Variants in SLC24A2 observed in about 807,000 individuals in gnomAD.
SLC24A2 encodes solute carrier family 24 member 2.
In SLC24A2, 36 loss-of-function variants were observed where a neutral mutation model predicts 62.0. The observed-to-expected ratio is 0.58, with a 90% confidence interval of 0.44 to 0.77. The LOEUF (loss-of-function observed/expected upper bound fraction) is 0.77. Among genes scored for constraint, SLC24A2 ranks in the 30% least tolerant of loss-of-function variants. SLC24A2 has a pLI of 0.00. For synonymous variants in SLC24A2, 358 were observed against 294.0 expected (o/e 1.22, Z -2.23); for missense variants, 846 against 817.9 (o/e 1.03, Z -0.42).
At chr9:20,212,946 T>A in the SLC24A2 span, among the ~76,000 whole-genome samples, 3 of 151,810 alleles carry the variant, frequency 2.0e-5, 1 homozygote, top group African/African-American at 4.9e-5. Flanking sequence ...CAACATGTTC[T>A]CACTTATAAG....
the SLC24A2 span, among the ~76,000 whole-genome samples, chr9:20,201,470 G>C: frequency 6.6e-6 from 1 of 152,186 alleles, no homozygotes; most frequent in East Asian, 1.9e-4. Flanking sequence ...GGATAGAAGA[G>C]ACAGTAACAG....
chr9:19,586,397 A>G (rs1040280331), intron 5 of SLC24A2, among the ~76,000 whole-genome samples: 1 of 152,170 alleles, frequency 6.6e-6, no homozygotes. Flanking sequence ...TGGGTGTGAG[A>G]AAGTGCTCAG....
chr9:19,961,416 G>C, the SLC24A2 span, among the ~76,000 whole-genome samples: 1 of 152,058 alleles, frequency 6.6e-6, no homozygotes, highest in Non-Finnish European at 1.5e-5. Flanking sequence ...GGGGTTAAAA[G>C]CCTTTTTTTT....
chr9:19,925,929 C>T, the SLC24A2 span, among the ~76,000 whole-genome samples: 1 of 152,166 alleles, frequency 6.6e-6, no homozygotes, highest in Non-Finnish European at 1.5e-5. Context: ...CCAAGCCAAC[C>T]TCCATTAACC....
intron 2 of SLC24A2, among the ~76,000 whole-genome samples, chr9:19,687,567 T>C (rs1386175409): frequency 1.3e-5 from 2 of 152,088 alleles, no homozygotes; most frequent in Non-Finnish European, 2.9e-5. Flanking sequence ...TCTGAAACAT[T>C]GTACCAATGT....
At chr9:19,548,333 G>A (rs1223971857) in intron 8 of SLC24A2, among the ~76,000 whole-genome samples, 1 of 152,114 alleles carries the variant, frequency 6.6e-6, no homozygotes, top group East Asian at 1.9e-4. Context: ...AAGCCATGTG[G>A]TCACATAGAC....
chr9:19,545,273 C>G (rs552980627), intron 8 of SLC24A2, among the ~76,000 whole-genome samples: 2 of 151,978 alleles, frequency 1.3e-5, no homozygotes, highest in East Asian at 1.9e-4. Flanking sequence ...TTTTTCAGCT[C>G]CATCAGGTCA....
rs140812370 is a variant in SLC24A2 at position 19,666,345 on chromosome 9, G to A, written c.931-44046C>T. 8.5e-3 allele frequency among the ~76,000 whole-genome samples: 1,298 copies of A among 152,284 alleles called. 12 individuals are homozygous for A. The highest frequency in any genetic ancestry group is 0.02 in the African/African-American group (833 of 41,568). Reference sequence around the variant, plus strand: ...CACCTGAGCCTGGGAGGTTGAGGCTGCAGTGAGTTGTGATTGCACCACTGC... The same window carrying A: ...CACCTGAGCCTGGGAGGTTGAGGCTACAGTGAGTTGTGATTGCACCACTGC... On this transcript the variant is annotated intron_variant, in intron 2 of 10. Transcript: ENST00000341998.
chr9:19,557,611 G>C lies in SLC24A2; in HGVS notation c.1348-7343C>G, dbSNP rs539074062. 3.3e-5 allele frequency among the ~76,000 whole-genome samples: 5 copies of C among 152,282 alleles called. No individual in the cohort carries two copies. The South Asian group carries it at 1.0e-3, about 32-fold the overall frequency. ...ATGCTGGCAGGGCCAGCTAGTCAAG[G>C]CATGCAGCTGCCACAGCTCTGAGTG... is the stretch of plus-strand genomic sequence containing the variant. On this transcript the variant is annotated intron_variant, in intron 7 of 10. Transcript: ENST00000341998.
At chr9:20,118,567 C>T in the SLC24A2 span, among the ~76,000 whole-genome samples, 1 of 151,572 alleles carries the variant, frequency 6.6e-6, no homozygotes, top group African/African-American at 2.4e-5. Flanking sequence ...TATTTTACAG[C>T]CTATGTTTTA....
the SLC24A2 span, among the ~76,000 whole-genome samples, chr9:19,830,685 A>AC: frequency 6.6e-6 from 1 of 152,030 alleles, no homozygotes; most frequent in Non-Finnish European, 1.5e-5. Flanking sequence ...GATCATCTAG[A>AC]CCCGGCAGAC....
chr9:20,164,685 C>G, the SLC24A2 span, among the ~76,000 whole-genome samples: 1,651 of 151,458 alleles, frequency 0.011, 37 homozygotes, highest in African/African-American at 0.038. Flanking sequence ...ACATGCACAC[C>G]TATGTTTATT....
the SLC24A2 span, among the ~76,000 whole-genome samples, chr9:20,129,157 A>G: frequency 6.6e-6 from 1 of 152,140 alleles, no homozygotes; most frequent in Non-Finnish European, 1.5e-5. Context: ...TCTGAGAGAA[A>G]TGGCCATACA....
At chr9:19,752,761 A>C (rs926555418) in intron 2 of SLC24A2, among the ~76,000 whole-genome samples, 1 of 152,156 alleles carries the variant, frequency 6.6e-6, no homozygotes, top group Admixed American at 6.5e-5. Context: ...TCCTCACAAC[A>C]ATCTTAGACA....
At chr9:19,638,602 G>A (rs1025658905) in intron 2 of SLC24A2, among the ~76,000 whole-genome samples, 5 of 151,992 alleles carry the variant, frequency 3.3e-5, no homozygotes, top group Non-Finnish European at 1.5e-5. Context: ...AATTCAAAAG[G>A]GTAAAGCTAT....
At chr9:20,036,380 C>T in the SLC24A2 span, among the ~76,000 whole-genome samples, 1 of 151,890 alleles carries the variant, frequency 6.6e-6, no homozygotes, top group Non-Finnish European at 1.5e-5. Flanking sequence ...GTACAGTACT[C>T]AATTATTAGC....
chr9:19,576,721 A>G (rs1357631913), intron 6 of SLC24A2, among the ~76,000 whole-genome samples: 1 of 152,188 alleles, frequency 6.6e-6, no homozygotes, highest in Non-Finnish European at 1.5e-5. Flanking sequence ...TTGGACTTCT[A>G]GAGTTACTGG....
the SLC24A2 span, among the ~76,000 whole-genome samples, chr9:19,907,530 T>G: frequency 1.3e-5 from 2 of 152,168 alleles, no homozygotes; most frequent in Non-Finnish European, 2.9e-5. Context: ...AAAGAGGAAG[T>G]CAAATTGTCC....
At chr9:19,938,835 G>T in the SLC24A2 span, among the ~76,000 whole-genome samples, 6 of 152,050 alleles carry the variant, frequency 3.9e-5, no homozygotes, top group Admixed American at 1.3e-4. Context: ...ATTTTGCTCC[G>T]CACATTTTAC....
Sources: gnomAD v4.1 joint callset for allele counts (sites outside exome capture counted in the v4.1 genomes callset) on GRCh38, gnomAD v4.1.1 for gene constraint, MANE v1.5 for transcripts, NCBI Gene and HGNC (gene_info 2026-07-23, HGNC 2026-07-21) for gene names.